The following MACF1 variants were observed in gnomAD, a reference collection of about 807,000 sequenced individuals.
MACF1 encodes microtubule actin crosslinking factor 1.
In MACF1, 193 loss-of-function variants were observed where a neutral mutation model predicts 854.8. That is an observed-to-expected ratio of 0.23 (90% CI 0.20 to 0.25). The LOEUF (loss-of-function observed/expected upper bound fraction) is 0.25, where lower values mean the gene tolerates loss of function less well. Among genes scored for constraint, MACF1 ranks in the 10% least tolerant of loss-of-function variants. MACF1 has a pLI of 1.00. For synonymous variants in MACF1, 3,185 were observed against 3,226.7 expected, an observed-to-expected ratio of 0.99 and a Z score of 0.44; for missense variants, 7,722 against 8,929.1, an observed-to-expected ratio of 0.86 and a Z score of 5.45.
chr1:39,264,312 A>C (rs1446123963), intron 6 of MACF1, among the ~76,000 whole-genome samples: 1 of 152,102 alleles, frequency 6.6e-6, no homozygotes, highest in Non-Finnish European at 1.5e-5. Flanking sequence ...ATTGCTCTCA[A>C]AGGTACTGTA....
chr1:39,261,448 A>G (rs1028546115), intron 6 of MACF1, among the ~76,000 whole-genome samples: 77 of 152,226 alleles, frequency 5.1e-4, no homozygotes, highest in African/African-American at 1.8e-3. Context: ...CTTCTTGTTC[A>G]TTTACAGTTA....
intron 2 of MACF1, among the ~76,000 whole-genome samples, chr1:39,199,261 A>G (rs976827689): frequency 3.3e-5 from 5 of 151,896 alleles, no homozygotes; most frequent in Non-Finnish European, 7.4e-5. Context: ...CTGGGATTAC[A>G]GGCGTGAGCC....
chr1:39,338,663 T>C (rs1465151081), intron 38 of MACF1, among the ~76,000 whole-genome samples: 1 of 152,212 alleles, frequency 6.6e-6, no homozygotes, highest in Non-Finnish European at 1.5e-5. Context: ...AGAGCAGCCA[T>C]TTATTGAAGG....
intron 1 of MACF1, among the ~76,000 whole-genome samples, chr1:39,229,941 C>A (rs1401165625): frequency 6.6e-6 from 1 of 152,078 alleles, no homozygotes. Flanking sequence ...TGGGGTTTTA[C>A]CATGTTGGCC....
At position 39,275,925 on chromosome 1, in the gene MACF1, C is replaced by CT. The variant is rs35766460; in HGVS notation, c.529-6270dup. 5.3e-3 allele frequency among the ~76,000 whole-genome samples: 783 copies of CT among 146,758 alleles called. 13 individuals are homozygous for CT. Among genetic ancestry groups the CT allele is most frequent in the African/African-American group, 0.018 (714 of 39,992 alleles). On this transcript the variant is annotated intron_variant, in intron 6 of 100. Coordinates refer to ENST00000564288, the MANE Select transcript of MACF1 (RefSeq NM_001394062.1). ...GTGCCTTCATCTGCTTCTTCTTCTT[C>CT]TTTTTTTTTTTTTGAGAAAGAATCT...
chr1:39,362,371 G>C (rs754935777), intron 49 of MACF1, among the ~76,000 whole-genome samples: 28 of 152,082 alleles, frequency 1.8e-4, no homozygotes, highest in Non-Finnish European at 2.8e-4. Flanking sequence ...GGTTTGGTTT[G>C]CTCTCCTTTT....
intron 60 of MACF1, among the ~76,000 whole-genome samples, chr1:39,423,270 T>TA (rs548136446): frequency 6.6e-6 from 1 of 152,114 alleles, no homozygotes; most frequent in Non-Finnish European, 1.5e-5. Context: ...TTTTTCTTTT[T>TA]AAAAAAAATT....
chr1:39,102,469 G>C (rs1178909697), intron 2 of MACF1, among the ~76,000 whole-genome samples: 2 of 152,010 alleles, frequency 1.3e-5, no homozygotes, highest in East Asian at 3.9e-4. Context: ...CCCCTGGGGA[G>C]TTTCAGCAGA....
Position 39,276,010 on chromosome 1 carries a change from C to T in MACF1, c.529-6198C>T, listed in dbSNP as rs147231547. Among the ~76,000 whole-genome samples the T allele has an allele frequency of 5.4e-3, 827 of 152,000 alleles. 14 individuals are homozygous for T. Among genetic ancestry groups the T allele is most frequent in the African/African-American group, 0.018 (756 of 41,430 alleles). On this transcript the variant is annotated intron_variant, in intron 6 of 100. Transcript: ENST00000564288. ...TCATAGCTCACTGCAACCTTGACATCTTGGGCTTAAACGATCCTCGTGCCT... is the reference window on the plus strand; with the variant it reads ...TCATAGCTCACTGCAACCTTGACATTTTGGGCTTAAACGATCCTCGTGCCT...
chr1:39,300,319 A>G lies in MACF1; in HGVS notation c.2591A>G (p.Asn864Ser), dbSNP rs550403731. ...CGCAGTCCAGACCATGTGTTAAAGAACACCATTTCTGTCAAGGCTGTCTGT... is the reference window on the plus strand; with the variant it reads ...CGCAGTCCAGACCATGTGTTAAAGAGCACCATTTCTGTCAAGGCTGTCTGT... ...KPRSPDHVLK[N>S]TISVKAVCDY... The change falls in exon 22 of 101, where the codon AAC (asparagine) becomes AGC (serine). Residue 864 changes from asparagine to serine, a missense_variant. Around this residue, in one of 15 missense-constraint regions of MACF1, gnomAD observed 1,137 missense variants for 1,263.0 expected, o/e 0.90. Coordinates refer to ENST00000564288, the MANE Select transcript of MACF1 (RefSeq NM_001394062.1). 78 of 1,613,978 alleles carry G rather than the reference A, an allele frequency of 4.8e-5. No homozygotes were observed. The highest frequency in any genetic ancestry group is 1.6e-4 in the Middle Eastern group (1 of 6,062).
At chr1:39,376,817 G>T (rs555010811) in intron 52 of MACF1, among the ~76,000 whole-genome samples, 2 of 151,830 alleles carry the variant, frequency 1.3e-5, no homozygotes, top group East Asian at 3.9e-4. Flanking sequence ...CTAGGCCCAC[G>T]CAATCAGCCC....
At position 39,334,526 on chromosome 1, in the gene MACF1, T is replaced by C. The variant is rs1646778767; in HGVS notation, c.7938T>C (p.Tyr2646=). 2 of 1,613,922 alleles carry C rather than the reference T, an allele frequency of 1.2e-6. No homozygotes were observed. Among genetic ancestry groups the C allele is most frequent in the Non-Finnish European group, 1.7e-6 (2 of 1,179,808 alleles). ...CKIDIESGQR[Y]LEVIPFSDIK... ...TTGATATTGAATCTGGACAGAGATA[T>C]CTAGAAGTAATTCCCTTCTCAGACA... is the stretch of plus-strand genomic sequence containing the variant. Residue 2646 remains tyrosine, a synonymous_variant, in exon 37 of 101, where the codon TAT becomes TAC. Transcript: ENST00000564288.
intron 58 of MACF1, among the ~76,000 whole-genome samples, chr1:39,416,578 A>G (rs904444271): frequency 2.0e-5 from 3 of 152,206 alleles, no homozygotes; most frequent in Admixed American, 6.5e-5. Flanking sequence ...TAGTGAGGCA[A>G]TCAAATCTGC....
chr1:39,314,780 G>C (rs1571321953), intron 26 of MACF1, among the ~76,000 whole-genome samples: 1 of 152,134 alleles, frequency 6.6e-6, no homozygotes, highest in Admixed American at 6.5e-5. Context: ...AGTAGTTTCA[G>C]AATTGTTAAC....
At chr1:39,247,306 C>T (rs563442765) in intron 2 of MACF1, among the ~76,000 whole-genome samples, 4 of 151,800 alleles carry the variant, frequency 2.6e-5, no homozygotes, top group African/African-American at 7.3e-5. Flanking sequence ...CTCCTGACCT[C>T]GTGATCCGCC....
At chr1:39,475,805 T>A (rs1644869365) in intron 97 of MACF1, among the ~76,000 whole-genome samples, 1 of 151,960 alleles carries the variant, frequency 6.6e-6, no homozygotes, top group South Asian at 2.1e-4. Flanking sequence ...ATATTTGGAG[T>A]TGGGTGTGAC....
At chr1:39,301,013 T>TC (rs1424183136) in intron 22 of MACF1, among the ~76,000 whole-genome samples, 1 of 151,806 alleles carries the variant, frequency 6.6e-6, no homozygotes, top group Non-Finnish European at 1.5e-5. Flanking sequence ...AAACTCTGTC[T>TC]CAAAAAAAAT....
At chr1:39,406,756 A>AAAC (rs1642727882) in intron 58 of MACF1, among the ~76,000 whole-genome samples, 6 of 116,056 alleles carry the variant, frequency 5.2e-5, no homozygotes, top group African/African-American at 1.2e-4. Context: ...AAAAAAAAAA[A>AAAC]AACATTCTTT....
At chr1:39,263,774 T>TC (rs1483050032) in intron 6 of MACF1, among the ~76,000 whole-genome samples, 1 of 129,910 alleles carries the variant, frequency 7.7e-6, no homozygotes, top group African/African-American at 3.0e-5. Flanking sequence ...CTTTTTTCTT[T>TC]TTTTTTTTTT....
Sources: allele counts gnomAD v4.1 joint callset (sites outside exome capture counted in the v4.1 genomes callset), GRCh38; gene constraint gnomAD v4.1.1; regional missense constraint gnomAD v4.1.1; transcripts MANE v1.5; gene names NCBI Gene and HGNC (gene_info 2026-07-23, HGNC 2026-07-21).